Variants in CCDC134 observed in about 807,000 individuals in gnomAD.
CCDC134 encodes coiled-coil domain containing 134.
A neutral mutation model predicts 25.6 loss-of-function variants in CCDC134; 27 were observed. The observed-to-expected ratio is 1.05, with a 90% CI of 0.78 to 1.45. The LOEUF (loss-of-function observed/expected upper bound fraction) is 1.45, where lower values mean the gene tolerates loss of function less well. Among genes scored for constraint, CCDC134 ranks in the 40% most tolerant of loss-of-function variants. The pLI, the probability that CCDC134 is intolerant of heterozygous loss-of-function variation, is 0.00. For missense variants in CCDC134, 261 were observed against 286.7 expected (o/e 0.91, Z 0.65); for synonymous variants, 110 against 115.0 (o/e 0.96, Z 0.28).
chr22:41,824,460 T>C (rs1228938742), intron 6 of CCDC134, among the ~76,000 whole-genome samples: 3 of 152,110 alleles, frequency 2.0e-5, no homozygotes, highest in African/African-American at 7.2e-5. Flanking sequence ...CATGCACAGA[T>C]TTACATTTTG....
Position 41,813,307 on chromosome 22 carries a change from G to A in CCDC134, c.354G>A (p.Val118=). The A allele has an allele frequency of 1.2e-6, 2 of 1,614,168 alleles. No individual in the cohort carries two copies. Among genetic ancestry groups the A allele is most frequent in the Non-Finnish European group, 1.7e-6 (2 of 1,180,034 alleles). The stretch of plus-strand genomic sequence containing the variant: ...AGAACACGGCCTTCTTCGGCGATGT[G>A]GTGCTGCGCTTCCCGAGGATTGTGC... ...VVENTAFFGD[V]VLRFPRIVHY... is the part of the protein sequence containing the mutation. The change falls in exon 5 of 7, where the codon GTG becomes GTA. Residue 118 remains valine, a synonymous_variant. Coordinates refer to ENST00000255784, the MANE Select transcript of CCDC134 (RefSeq NM_024821.5).
intron 6 of CCDC134, among the ~76,000 whole-genome samples, chr22:41,819,512 G>T (rs1569357792): frequency 6.6e-6 from 1 of 152,208 alleles, no homozygotes; most frequent in South Asian, 2.1e-4. Context: ...TCAGCATCAA[G>T]TGAGTATCTA....
At chr22:41,813,231 T>C in intron 4 of CCDC134, 33 bp from the exon 5 acceptor site, 1 of 1,610,164 alleles carries the variant, frequency 6.2e-7, no homozygotes, top group Non-Finnish European at 8.5e-7. Flanking sequence ...GGAGAGCATC[T>C]GCCCTGGCCA....
Position 41,825,621 on chromosome 22 carries a change from A to G in CCDC134, c.565-77A>G, listed in dbSNP as rs1190190321. 10 of 1,580,032 alleles carry G rather than the reference A, an allele frequency of 6.3e-6. No homozygotes were observed. The highest frequency in any genetic ancestry group is 5.3e-5 in the Admixed American group (3 of 56,458). ...GTCCAGGGAACCTTCCTATTCCCAC[A>G]CCCCGCTGGTGGCCTAGCTCAGAGC... On this transcript the variant is annotated intron_variant, in intron 6 of 6. Coordinates refer to ENST00000255784, the MANE Select transcript of CCDC134 (RefSeq NM_024821.5). The surrounding 1 kb of genome is among the most constrained non-coding windows in gnomAD (Gnocchi z 4.4).
chr22:41,814,665 G>A (rs1176295396), intron 6 of CCDC134, among the ~76,000 whole-genome samples: 1 of 152,154 alleles, frequency 6.6e-6, no homozygotes, highest in Non-Finnish European at 1.5e-5. Flanking sequence ...GTGGCTGGAG[G>A]ACTGGACTTG....
At chr22:41,824,480 A>G (rs1171351522) in intron 6 of CCDC134, among the ~76,000 whole-genome samples, 2 of 152,160 alleles carry the variant, frequency 1.3e-5, no homozygotes, top group Non-Finnish European at 2.9e-5. Context: ...GAAAAGATCC[A>G]TCCGGCGCAG....
intron 6 of CCDC134, among the ~76,000 whole-genome samples, chr22:41,814,529 T>C (rs2076613275): frequency 6.6e-6 from 1 of 151,278 alleles, no homozygotes; most frequent in Non-Finnish European, 1.5e-5. Flanking sequence ...ATCGTGCCAT[T>C]GCACTCCAGC....
In CCDC134 at chr22:41,809,974, G is replaced by C; in HGVS notation, c.199G>C (p.Asp67His). 6.2e-7 allele frequency: 1 copy of C among 1,614,164 alleles called. No homozygotes were observed. Among genetic ancestry groups the C allele is most frequent in the Non-Finnish European group, 8.5e-7 (1 of 1,180,030 alleles). The stretch of plus-strand genomic sequence containing the variant: ...CATCCACCAGCAGTACAAGATCCTT[G>C]ATGTCATGCTCAAGGGGCTCTTTAA... Reference protein sequence around the residue: ...NDIHQQYKILDVMLKGLFKVL... With the variant: ...NDIHQQYKILHVMLKGLFKVL... Residue 67 changes from aspartate to histidine, a missense_variant, in exon 3 of 7, where the codon GAT becomes CAT. Asp to His is a moderately conservative substitution (Grantham distance 81, BLOSUM62 -1). Transcript: ENST00000255784.
chr22:41,822,142 A>T (rs1275461641), intron 6 of CCDC134, among the ~76,000 whole-genome samples: 1 of 152,124 alleles, frequency 6.6e-6, no homozygotes, highest in Non-Finnish European at 1.5e-5. Context: ...GGACAGGCAG[A>T]GCAGGGTAGC....
intron 6 of CCDC134, among the ~76,000 whole-genome samples, chr22:41,820,782 G>C (rs2076648181): frequency 6.6e-6 from 1 of 152,146 alleles, no homozygotes; most frequent in Non-Finnish European, 1.5e-5. Context: ...TTCTGCACCT[G>C]GTGAACATCG....
At chr22:41,817,209 G>A (rs988308885) in intron 6 of CCDC134, among the ~76,000 whole-genome samples, 1 of 152,096 alleles carries the variant, frequency 6.6e-6, no homozygotes, top group African/African-American at 2.4e-5. Flanking sequence ...GAAATATACA[G>A]TCCTCTGTTT....
Position 41,825,012 on chromosome 22 carries a change from C to T in CCDC134, c.565-686C>T, listed in dbSNP as rs2076669703. Among the ~76,000 whole-genome samples, 1 of 151,946 alleles carries T rather than the reference C, an allele frequency of 6.6e-6. No individual in the cohort carries two copies. Among genetic ancestry groups the T allele is most frequent in the Non-Finnish European group, 1.5e-5 (1 of 67,996 alleles). On this transcript the variant is annotated intron_variant, in intron 6 of 6. Transcript: ENST00000255784. The surrounding 1 kb of genome is among the most constrained non-coding windows in gnomAD (Gnocchi z 4.4). ...AATGCCGGGTGCAGGTGGGGCTCCT[C>T]GGTTTCTGCCCTGCTGCTCATCAGA...
intron 4 of CCDC134, among the ~76,000 whole-genome samples, chr22:41,811,785 C>G (rs767611708): frequency 1.2e-4 from 19 of 152,186 alleles, no homozygotes; most frequent in Non-Finnish European, 2.2e-4. Flanking sequence ...CTGGTGACAT[C>G]TCAGGCTTTC....
At chr22:41,809,070 G>A in intron 2 of CCDC134, 77 bp downstream of exon 2, 3 of 1,225,144 alleles carry the variant, frequency 2.4e-6, no homozygotes, top group Non-Finnish European at 3.5e-6. Flanking sequence ...GGGATTCCAG[G>A]GATAAGCAGG....
intron 4 of CCDC134, among the ~76,000 whole-genome samples, chr22:41,810,614 G>C (rs1267324366): frequency 6.8e-6 from 1 of 147,052 alleles, no homozygotes; most frequent in Non-Finnish European, 1.5e-5. Context: ...TCCTGCCTCA[G>C]CCTCCCAAGT....
chr22:41,809,855 G>T, intron 2 of CCDC134, 24 bp from the exon 3 acceptor site: 1 of 1,613,952 alleles, frequency 6.2e-7, no homozygotes, highest in Non-Finnish European at 8.5e-7. Flanking sequence ...ATTGATGCCA[G>T]CCCCTTAACT....
intron 4 of CCDC134, among the ~76,000 whole-genome samples, chr22:41,812,408 C>T (rs534680338): frequency 4.1e-5 from 5 of 123,252 alleles, no homozygotes; most frequent in East Asian, 2.3e-4. Context: ...GACAAGAAAG[C>T]GAGACTCCGT....
chr22:41,813,145 C>G, intron 4 of CCDC134, 119 bp from the exon 5 acceptor site: 1 of 996,696 alleles, frequency 1.0e-6, no homozygotes, highest in Non-Finnish European at 1.5e-6. Context: ...TCAGTAGGCA[C>G]TGTTCCTTCC....
At chr22:41,822,912 A>G (rs1012045330) in intron 6 of CCDC134, among the ~76,000 whole-genome samples, 1 of 152,222 alleles carries the variant, frequency 6.6e-6, no homozygotes, top group Non-Finnish European at 1.5e-5. Context: ...TTCCAAAGTC[A>G]TGACTCAATC....
Sources: allele counts gnomAD v4.1 joint callset (sites outside exome capture counted in the v4.1 genomes callset), GRCh38; gene constraint gnomAD v4.1.1; non-coding constraint Gnocchi (gnomAD v3.1); transcripts MANE v1.5; gene names NCBI Gene and HGNC (gene_info 2026-07-23, HGNC 2026-07-21).